Variants in WDPCP observed in about 807,000 individuals in gnomAD.
WDPCP encodes WD repeat containing planar cell polarity effector, also known as WD repeat-containing and planar cell polarity effector protein fritz homolog.
WDPCP carries 71 observed loss-of-function variants against 93.1 expected under a neutral mutation model. The ratio of observed to expected loss-of-function variants is 0.76; its 90% CI spans 0.63 to 0.93. The LOEUF is 0.93. Among genes scored for constraint, WDPCP ranks in the 40% least tolerant of loss-of-function variants. The pLI, the probability that WDPCP is intolerant of heterozygous loss-of-function variation, is 0.00. For synonymous variants in WDPCP, 315 were observed against 315.0 expected, an observed-to-expected ratio of 1.00 and a Z score of 0.00; for missense variants, 844 against 887.4, an observed-to-expected ratio of 0.95 and a Z score of 0.62.
At chr2:63,371,519 G>T (rs993151496) in intron 12 of WDPCP, among the ~76,000 whole-genome samples, 1 of 152,040 alleles carries the variant, frequency 6.6e-6, no homozygotes, top group African/African-American at 2.4e-5. Context: ...GTATGACCTG[G>T]CCACTTGCTG....
At chr2:63,544,850 T>G (rs949173530) in intron 1 of WDPCP, among the ~76,000 whole-genome samples, 3 of 152,190 alleles carry the variant, frequency 2.0e-5, no homozygotes, top group Admixed American at 6.6e-5. Flanking sequence ...AATTACCATA[T>G]TATATGAAAT....
At chr2:63,808,655 C>A (rs1047300988) in intron 2 of WDPCP, among the ~76,000 whole-genome samples, 1 of 152,198 alleles carries the variant, frequency 6.6e-6, no homozygotes, top group African/African-American at 2.4e-5. Context: ...TCAATGGTGC[C>A]CAGGCTGGAG....
At chr2:63,414,544 C>A (rs1695271789) in intron 9 of WDPCP, among the ~76,000 whole-genome samples, 1 of 151,040 alleles carries the variant, frequency 6.6e-6, no homozygotes, top group African/African-American at 2.4e-5. Flanking sequence ...TACTACACAG[C>A]CATAAAAAGG....
chr2:63,433,342 GAACT>G (rs1696902082), intron 9 of WDPCP, among the ~76,000 whole-genome samples: 2 of 152,288 alleles, frequency 1.3e-5, no homozygotes, highest in African/African-American at 4.8e-5. Flanking sequence ...AGTAATAATA[GAACT>G]AATAATGATA....
intron 3 of WDPCP, chr2:63,597,493 A>T: frequency 6.6e-7 from 1 of 1,525,846 alleles, no homozygotes; most frequent in Non-Finnish European, 8.8e-7. Flanking sequence ...GCATGGAGAG[A>T]AAAGATTTAC....
At chr2:63,283,387 A>G (rs897043159) in intron 13 of WDPCP, among the ~76,000 whole-genome samples, 1 of 152,250 alleles carries the variant, frequency 6.6e-6, no homozygotes, top group Non-Finnish European at 1.5e-5. Flanking sequence ...TAATATTTGT[A>G]TAATTATTCA....
chr2:63,210,376 T>C (rs1305518158), intron 14 of WDPCP, among the ~76,000 whole-genome samples: 1 of 152,146 alleles, frequency 6.6e-6, no homozygotes, highest in Non-Finnish European at 1.5e-5. Context: ...ACTTCTTTGG[T>C]GTAATTAATT....
At chr2:63,774,337 C>A (rs1670271523) in intron 2 of WDPCP, among the ~76,000 whole-genome samples, 1 of 151,920 alleles carries the variant, frequency 6.6e-6, no homozygotes. Context: ...TTTTTGCTTT[C>A]ATCTTTACTG....
intron 14 of WDPCP, among the ~76,000 whole-genome samples, chr2:63,178,077 A>G (rs1443167086): frequency 1.3e-5 from 2 of 152,070 alleles, no homozygotes; most frequent in Non-Finnish European, 2.9e-5. Context: ...ATTTTACTTG[A>G]TCATGGTGTA....
In WDPCP at chr2:63,717,298, G is replaced by T. The variant is rs756792282; in HGVS notation, n.309-66460C>A. On this transcript the variant is annotated intron_variant and non_coding_transcript_variant, in intron 2 of 4. Transcript: ENST00000467687. Reference sequence around the variant, plus strand: ...CTTCAGGCAGCAACATGGCAAGATGGTGGCAGGCCAAATCACTGTGAACAT... The same window carrying T: ...CTTCAGGCAGCAACATGGCAAGATGTTGGCAGGCCAAATCACTGTGAACAT... 401 of 540,532 alleles carry T rather than the reference G, an allele frequency of 7.4e-4. 3 individuals are homozygous for T. The highest frequency in any genetic ancestry group is 2.0e-4 in the Non-Finnish European group (53 of 270,404). The allele number at this position is 540,532 out of a possible 1,614,324, so 33.5% of individuals were successfully genotyped here.
intron 10 of WDPCP, among the ~76,000 whole-genome samples, chr2:63,400,793 T>C (rs1283975683): frequency 6.6e-6 from 1 of 152,042 alleles, no homozygotes; most frequent in African/African-American, 2.4e-5. Context: ...AAAACTGATA[T>C]ATAGACCAAT....
intron 1 of WDPCP, among the ~76,000 whole-genome samples, chr2:63,551,959 C>CTT (rs36189794): frequency 1.6e-5 from 2 of 122,270 alleles, no homozygotes; most frequent in Admixed American, 8.4e-5. Context: ...CTTTCATTTT[C>CTT]TTTTTTTTTT....
chr2:63,467,400 A>T (rs1488425587), intron 6 of WDPCP, among the ~76,000 whole-genome samples: 1 of 152,000 alleles, frequency 6.6e-6, no homozygotes, highest in Non-Finnish European at 1.5e-5. Context: ...GAATCACTGG[A>T]ACCCAGGAGG....
rs6734433 is a variant in WDPCP, at chr2:63,120,259, G to A, written c.*1747C>T. On this transcript the variant is annotated 3_prime_UTR_variant, in exon 18 of 18. Coordinates refer to ENST00000272321, the MANE Select transcript of WDPCP (RefSeq NM_015910.7). Reference sequence around the variant, plus strand: ...TAAAGAAGGTTGGGAATAGGAGAATGAAAATTTGCTGGTAACTCAGTTTGG... The same window carrying A: ...TAAAGAAGGTTGGGAATAGGAGAATAAAAATTTGCTGGTAACTCAGTTTGG... 2.0e-3 allele frequency among the ~76,000 whole-genome samples: 310 copies of A among 152,210 alleles called. 1 individual carries two copies. The highest frequency in any genetic ancestry group is 5.9e-3 in the African/African-American group (247 of 41,534).
At chr2:63,321,720 A>C (rs547707948) in intron 12 of WDPCP, among the ~76,000 whole-genome samples, 39 of 152,234 alleles carry the variant, frequency 2.6e-4, no homozygotes, top group Admixed American at 9.8e-4. Flanking sequence ...ACAGTATATA[A>C]TAATCCCTGC....
At chr2:63,641,981 T>G (rs1709985444) in intron 3 of WDPCP, among the ~76,000 whole-genome samples, 1 of 152,168 alleles carries the variant, frequency 6.6e-6, no homozygotes, top group Admixed American at 6.5e-5. Context: ...TGGTGAGAGA[T>G]AGAGGTCTAG....
At chr2:63,223,892 CTGTT>C (rs1453449362) in intron 14 of WDPCP, among the ~76,000 whole-genome samples, 1 of 152,028 alleles carries the variant, frequency 6.6e-6, no homozygotes, top group Non-Finnish European at 1.5e-5. Flanking sequence ...TTCCGTTGGT[CTGTT>C]TGTCTATTCT....
At chr2:63,703,943 T>C (rs1405039884) in intron 2 of WDPCP, among the ~76,000 whole-genome samples, 3 of 152,230 alleles carry the variant, frequency 2.0e-5, no homozygotes, top group African/African-American at 7.2e-5. Context: ...CATGGAATGT[T>C]CTTCCATTTG....
chr2:63,764,012 T>C (rs1259408884), intron 2 of WDPCP, among the ~76,000 whole-genome samples: 1 of 152,190 alleles, frequency 6.6e-6, no homozygotes, highest in African/African-American at 2.4e-5. Flanking sequence ...CAATTCTTGT[T>C]CCCTGATAGT....
Sources: gnomAD v4.1 joint callset for allele counts (sites outside exome capture counted in the v4.1 genomes callset) on GRCh38, gnomAD v4.1.1 for gene constraint, MANE v1.5 for transcripts, NCBI Gene and HGNC (gene_info 2026-07-23, HGNC 2026-07-21) for gene names.